VAV3: variants seen among roughly 807,000 people sequenced by gnomAD.
VAV3 encodes the protein guanine nucleotide exchange factor VAV3.
In VAV3, 94 loss-of-function variants were observed where a neutral mutation model predicts 131.2. The ratio of observed to expected loss-of-function variants is 0.72; its 90% CI spans 0.61 to 0.85. The LOEUF (loss-of-function observed/expected upper bound fraction) is 0.85, where lower values mean the gene tolerates loss of function less well. VAV3 is among the 40% of genes least tolerant of loss of function. VAV3 has a pLI of 0.00. For missense variants in VAV3, 939 were observed against 1,002.7 expected (o/e 0.94, Z 0.86); for synonymous variants, 349 against 342.0 (o/e 1.02, Z -0.22).
intron 17 of VAV3, 185 bp from the exon 18 acceptor site, chr1:107,688,591 A>G (rs1198056975): frequency 6.9e-6 from 10 of 1,453,310 alleles, no homozygotes; most frequent in Non-Finnish European, 9.1e-6. Flanking sequence ...CTCTTACCCT[A>G]TTGGCTTGTC....
rs771882352 is a variant in VAV3 at position 107,705,005 on chromosome 1, G to T, written c.1559C>A (p.Thr520Asn). Residue 520 changes from threonine to asparagine, a missense_variant, in exon 16 of 27, where the codon ACC becomes AAC. Coordinates refer to ENST00000370056, the MANE Select transcript of VAV3 (RefSeq NM_006113.5). ...TTTGCAGGATGTGACTCGAGTGAAG[G>T]TATGCATCTTGAAGTCGTGGAAATT... ...DSNFHDFKMH[T>N]FTRVTSCKVC... 1.2e-5 allele frequency: 19 copies of T among 1,613,898 alleles called. No individual in the cohort carries two copies. The highest frequency in any genetic ancestry group is 1.7e-4 in the Middle Eastern group (1 of 6,060).
At chr1:107,752,947 A>G in intron 12 of VAV3, among the ~76,000 whole-genome samples, 1 of 152,198 alleles carries the variant, frequency 6.6e-6, no homozygotes, top group East Asian at 1.9e-4. Context: ...ACTTCCAAGT[A>G]TATAACTAAA....
intron 17 of VAV3, among the ~76,000 whole-genome samples, chr1:107,688,766 C>G (rs1015484073): frequency 6.6e-6 from 1 of 152,258 alleles, no homozygotes; most frequent in Non-Finnish European, 1.5e-5. Flanking sequence ...TTCAACATGC[C>G]TCGTTTTAAG....
chr1:107,673,982 T>C (rs1570730501), intron 19 of VAV3, among the ~76,000 whole-genome samples: 1 of 152,186 alleles, frequency 6.6e-6, no homozygotes, highest in African/African-American at 2.4e-5. Context: ...TTTTAAAAAG[T>C]GTATGCTGCC....
intron 9 of VAV3, among the ~76,000 whole-genome samples, 165 bp downstream of exon 9, chr1:107,764,911 T>G (rs1259832069): frequency 6.6e-6 from 1 of 152,192 alleles, no homozygotes; most frequent in Non-Finnish European, 1.5e-5. Flanking sequence ...CTGTTACTAT[T>G]ACTACCATAT....
chr1:107,946,050 A>G (rs1674247749), intron 1 of VAV3, among the ~76,000 whole-genome samples: 1 of 152,218 alleles, frequency 6.6e-6, no homozygotes, highest in East Asian at 1.9e-4. Context: ...TACTCCAAGC[A>G]TGGGGAAGCA....
At chr1:107,868,304 G>A (rs1027166953) in intron 2 of VAV3, among the ~76,000 whole-genome samples, 3 of 152,138 alleles carry the variant, frequency 2.0e-5, no homozygotes, top group Non-Finnish European at 4.4e-5. Flanking sequence ...GTTTACATAT[G>A]TATATATGAA....
intron 17 of VAV3, among the ~76,000 whole-genome samples, chr1:107,698,245 G>A (rs936436766): frequency 6.6e-6 from 1 of 152,264 alleles, no homozygotes; most frequent in Middle Eastern, 3.4e-3. Flanking sequence ...CATGCATTCC[G>A]TAGAAACTAG....
At chr1:107,685,154 G>C (rs993537847) in intron 18 of VAV3, among the ~76,000 whole-genome samples, 1 of 152,064 alleles carries the variant, frequency 6.6e-6, no homozygotes, top group Admixed American at 6.6e-5. Context: ...ATGTGAAAAG[G>C]GGACCCTGAC....
rs889270659 is a variant in VAV3, at chr1:107,874,864, C to T, written c.321+37G>A. The T allele has an allele frequency of 5.1e-6, 8 of 1,559,624 alleles. No homozygotes were observed. In the African/African-American group the frequency reaches 8.1e-5, roughly 16 times the overall value. On this transcript the variant is annotated intron_variant, in intron 2 of 26. Transcript: ENST00000370056. ...TGAAACAATTTGCTTAAATGCTTTC[C>T]AGTTAAAAAGTAGTGTTAAAAATGA...
In VAV3 at chr1:107,835,716, C is replaced by CA. The variant is rs77770863; in HGVS notation, c.321+39184dup. Reference sequence around the variant, plus strand: ...GAGGTCCCCACAGCTGTCTGCAGGGCAAAAAACCCCGGCCCATAGGCACCA... The same window carrying CA: ...GAGGTCCCCACAGCTGTCTGCAGGGCAAAAAAACCCCGGCCCATAGGCACCA... On this transcript the variant is annotated intron_variant, in intron 2 of 26. Coordinates refer to ENST00000370056, the MANE Select transcript of VAV3 (RefSeq NM_006113.5). Among the ~76,000 whole-genome samples, 1,340 of 152,240 alleles carry CA rather than the reference C, an allele frequency of 8.8e-3. 7 individuals carry two copies. The highest frequency in any genetic ancestry group is 0.015 in the East Asian group (80 of 5,172).
intron 19 of VAV3, among the ~76,000 whole-genome samples, chr1:107,654,773 C>T (rs1656420352): frequency 6.6e-6 from 1 of 151,968 alleles, no homozygotes; most frequent in Non-Finnish European, 1.5e-5. Flanking sequence ...AACAAGTCAG[C>T]CTTTCCCTTA....
At chr1:107,707,233 C>T (rs996896843) in intron 15 of VAV3, among the ~76,000 whole-genome samples, 1 of 152,060 alleles carries the variant, frequency 6.6e-6, no homozygotes, top group Non-Finnish European at 1.5e-5. Flanking sequence ...CACTAAAGAA[C>T]AGATGTTAAC....
intron 19 of VAV3, among the ~76,000 whole-genome samples, chr1:107,677,045 C>A (rs1272722039): frequency 6.6e-6 from 1 of 152,068 alleles, no homozygotes; most frequent in Non-Finnish European, 1.5e-5. Context: ...ATTATAAGAA[C>A]CAAACATAAG....
At chr1:107,574,356 T>C (rs1649468034) in intron 25 of VAV3, among the ~76,000 whole-genome samples, 158 bp from the exon 26 acceptor site, 1 of 152,256 alleles carries the variant, frequency 6.6e-6, no homozygotes, top group Non-Finnish European at 1.5e-5. Flanking sequence ...GCAGAATTGC[T>C]GTTTCAATTC....
intron 25 of VAV3, among the ~76,000 whole-genome samples, chr1:107,595,235 T>C (rs1173634029): frequency 6.6e-6 from 1 of 152,152 alleles, no homozygotes; most frequent in Non-Finnish European, 1.5e-5. Flanking sequence ...TTAAGTTACT[T>C]AAATAAAAAA....
At chr1:107,708,964 ACC>A (rs918528332) in intron 15 of VAV3, among the ~76,000 whole-genome samples, 27 of 151,866 alleles carry the variant, frequency 1.8e-4, no homozygotes, top group African/African-American at 6.0e-4. Flanking sequence ...CCCCCCACAC[ACC>A]CTATCCTATT....
intron 1 of VAV3, among the ~76,000 whole-genome samples, chr1:107,957,190 G>A (rs1439187477): frequency 6.6e-6 from 1 of 151,966 alleles, no homozygotes; most frequent in African/African-American, 2.4e-5. Context: ...CTGAAACCTG[G>A]GTCTCAACCT....
intron 15 of VAV3, 25 bp downstream of exon 15, chr1:107,748,943 C>T: frequency 6.6e-7 from 1 of 1,503,794 alleles, no homozygotes; most frequent in Non-Finnish European, 9.1e-7. Flanking sequence ...AAAATAAAAG[C>T]ACTTTTAAAA....
Sources: allele counts gnomAD v4.1 joint callset (sites outside exome capture counted in the v4.1 genomes callset), GRCh38; gene constraint gnomAD v4.1.1; transcripts MANE v1.5; gene names NCBI Gene and HGNC (gene_info 2026-07-23, HGNC 2026-07-21).